The following AGR3 variants were observed in gnomAD, a reference collection of about 807,000 sequenced individuals.
AGR3 encodes the protein anterior gradient 3, protein disulphide isomerase family member.
A neutral mutation model predicts 24.5 loss-of-function variants in AGR3; 37 were observed. The observed-to-expected ratio is 1.51, with a 90% CI of 1.16 to 1.99. AGR3 has a LOEUF of 1.99. Among genes scored for constraint, AGR3 ranks in the 30% most tolerant of loss-of-function variants. AGR3 has a pLI of 0.00. For synonymous variants in AGR3, 75 were observed against 61.6 expected (o/e 1.22, Z -1.02); for missense variants, 228 against 191.1 (o/e 1.19, Z -1.14).
rs540281070 is a variant in AGR3, at chr7:16,878,770, T to G, written c.-27-125A>C. 50 of 623,922 alleles carry G rather than the reference T, an allele frequency of 8.0e-5. 1 individual carries two copies. The South Asian group carries it at 9.3e-4, about 12-fold the overall frequency. 38.6% of individuals were successfully genotyped at this position (623,922 alleles called of 1,614,324 possible). On this transcript the variant is annotated intron_variant, in intron 1 of 7. Transcript: ENST00000310398. ...GTTCAGCTTTTTTGGTTTGACATGG[T>G]ATAACCAACCACATAGAACTTTCAT...
At chr7:16,861,831 G>T (rs1416751239) in intron 5 of AGR3, among the ~76,000 whole-genome samples, 153 bp downstream of exon 5, 1 of 151,318 alleles carries the variant, frequency 6.6e-6, no homozygotes, top group Admixed American at 6.6e-5. Context: ...AACCAGGGAG[G>T]CTGAGGTTGC....
At chr7:16,857,772 A>T (rs1030435375), downstream of AGR3, among the ~76,000 whole-genome samples, 1 of 152,188 alleles carries the variant, frequency 6.6e-6, no homozygotes, top group Non-Finnish European at 1.5e-5. Context: ...ATTTACTACA[A>T]GCTTGCTTAA....
downstream of AGR3, among the ~76,000 whole-genome samples, chr7:16,855,479 G>A (rs1781544115): frequency 6.6e-6 from 1 of 152,156 alleles, no homozygotes; most frequent in Non-Finnish European, 1.5e-5. Flanking sequence ...GGAGCCAAGT[G>A]TTTAATGGCC....
At chr7:16,866,381 A>C in intron 3 of AGR3, 1 of 308,278 alleles carries the variant, frequency 3.2e-6, no homozygotes, top group South Asian at 3.6e-5. Context: ...CTCCTTTAAA[A>C]AGCAGGTAAC....
chr7:16,879,385 C>T (rs1218505258), intron 1 of AGR3, among the ~76,000 whole-genome samples: 1 of 152,176 alleles, frequency 6.6e-6, no homozygotes, highest in African/African-American at 2.4e-5. Context: ...TTATACTTTG[C>T]ACGTTAAGAT....
intron 3 of AGR3, chr7:16,865,270 C>A: frequency 1.0e-6 from 1 of 989,820 alleles, no homozygotes; most frequent in South Asian, 1.4e-5. Flanking sequence ...TTGTTTTCTC[C>A]TTTTGAAGAA....
At chr7:16,860,075 C>T (rs1348843398) in intron 7 of AGR3, among the ~76,000 whole-genome samples, 2 of 146,288 alleles carry the variant, frequency 1.4e-5, no homozygotes. Flanking sequence ...GGGCAACATA[C>T]CAAGACCCTG....
At chr7:16,880,132 TTC>T (rs1583849736) in intron 1 of AGR3, among the ~76,000 whole-genome samples, 2 of 137,022 alleles carry the variant, frequency 1.5e-5, no homozygotes, top group South Asian at 2.4e-4. Flanking sequence ...TCCTTCCTCT[TTC>T]TCTCTCTCTT....
chr7:16,864,482 C>T, intron 3 of AGR3: 1 of 1,260,156 alleles, frequency 7.9e-7, no homozygotes, highest in South Asian at 1.2e-5. Flanking sequence ...CTGTCAGGGT[C>T]GATCATTCCA....
rs200216546 is a variant in AGR3, at chr7:16,880,470, CTCCCCTCCTT to C, written c.-28+1464_-28+1473del. On this transcript the variant is annotated intron_variant, in intron 1 of 7. Coordinates refer to ENST00000310398, the MANE Select transcript of AGR3 (RefSeq NM_176813.5). Reference sequence around the variant, plus strand: ...GCTACATCGCCCGGACTCCTTTCCTCTCCCCTCCTTTCCCCTCCTTTCCCCTCCTTTCCCC... The same window carrying C: ...GCTACATCGCCCGGACTCCTTTCCTCTCCCCTCCTTTCCCCTCCTTTCCCC... Among the ~76,000 whole-genome samples, 337 of 47,632 alleles carry C rather than the reference CTCCCCTCCTT, an allele frequency of 7.1e-3. 6 individuals are homozygous for C. The highest frequency in any genetic ancestry group is 0.021 in the African/African-American group (289 of 13,606). The allele number at this position is 47,632 out of a possible 152,430, so 31.2% of individuals were successfully genotyped here.
At chr7:16,865,652 T>A (rs117527832) in intron 3 of AGR3, 8,867 of 791,922 alleles carry the variant, frequency 0.011, 97 homozygotes, top group Middle Eastern at 0.031. Context: ...TATCTTCTTA[T>A]CAGTTCTCAG....
chr7:16,875,132 GA>G (rs931197173), intron 2 of AGR3, among the ~76,000 whole-genome samples: 49 of 139,698 alleles, frequency 3.5e-4, no homozygotes, highest in Middle Eastern at 3.8e-3. Flanking sequence ...AAAAAAAAAA[GA>G]AAAAAAGAAA....
intron 3 of AGR3, among the ~76,000 whole-genome samples, chr7:16,870,669 T>C (rs1463288283): frequency 6.6e-6 from 1 of 152,118 alleles, no homozygotes; most frequent in African/African-American, 2.4e-5. Context: ...GTATGAATTG[T>C]CTCCTTATAA....
At chr7:16,870,344 A>C (rs565448398) in intron 3 of AGR3, among the ~76,000 whole-genome samples, 1 of 152,160 alleles carries the variant, frequency 6.6e-6, no homozygotes, top group South Asian at 2.1e-4. Flanking sequence ...TCATTTGCAC[A>C]TAAAGATAAT....
At chr7:16,877,874 AAAAG>A (rs1244423701) in intron 2 of AGR3, among the ~76,000 whole-genome samples, 153 of 147,106 alleles carry the variant, frequency 1.0e-3, no homozygotes, top group African/African-American at 3.5e-3. Context: ...AAAAAAAAAA[AAAAG>A]AGAGAATTTT....
Position 16,872,307 on chromosome 7 carries a change from T to C in AGR3, c.173+1473A>G, listed in dbSNP as rs575061935. Among the ~76,000 whole-genome samples the C allele has an allele frequency of 2.0e-5, 3 of 152,242 alleles. No homozygotes were observed. In the South Asian group the frequency reaches 6.2e-4, roughly 32 times the overall value. On this transcript the variant is annotated intron_variant, in intron 3 of 7. Coordinates refer to ENST00000310398, the MANE Select transcript of AGR3 (RefSeq NM_176813.5). ...GAGAACCCAGAAATAAATCCACGTA[T>C]TTAAAGTCAGCTGATTTTTAACAAA...
chr7:16,867,267 A>G (rs1036533638), intron 3 of AGR3, among the ~76,000 whole-genome samples: 1 of 152,156 alleles, frequency 6.6e-6, no homozygotes, highest in Non-Finnish European at 1.5e-5. Flanking sequence ...GACACTAATT[A>G]TTACATAATC....
At chr7:16,867,695 T>G (rs1475138099) in intron 3 of AGR3, among the ~76,000 whole-genome samples, 3 of 152,202 alleles carry the variant, frequency 2.0e-5, no homozygotes, top group Non-Finnish European at 4.4e-5. Flanking sequence ...TTCCTTTGTT[T>G]CTATGAGTTT....
Position 16,861,457 on chromosome 7 carries a change from G to GA in AGR3, c.304-11dup. 1 of 1,596,358 alleles carries GA rather than the reference G, an allele frequency of 6.3e-7. No homozygotes were observed. Among genetic ancestry groups the GA allele is most frequent in the Non-Finnish European group, 8.5e-7 (1 of 1,171,656 alleles). ...TATCAGTGGTTTCATGCTAGCAGGA[G>GA]AAGAAAAAAAAAGAATGTTATTGGA... On this transcript the variant is annotated splice_polypyrimidine_tract_variant and intron_variant, in intron 5 of 7. Coordinates refer to ENST00000310398, the MANE Select transcript of AGR3 (RefSeq NM_176813.5).
Sources: allele counts gnomAD v4.1 joint callset (sites outside exome capture counted in the v4.1 genomes callset), GRCh38; gene constraint gnomAD v4.1.1; transcripts MANE v1.5; gene names NCBI Gene and HGNC (gene_info 2026-07-23, HGNC 2026-07-21).